The following CCSER1 variants were observed in gnomAD, a reference collection of about 807,000 sequenced individuals.
CCSER1 encodes serine-rich coiled-coil domain-containing protein 1.
A neutral mutation model predicts 82.0 loss-of-function variants in CCSER1; 41 were observed. The observed-to-expected ratio is 0.50, with a 90% CI of 0.39 to 0.65. The LOEUF (loss-of-function observed/expected upper bound fraction) is 0.65, where lower values mean the gene tolerates loss of function less well. Ranked by LOEUF, CCSER1 falls within the 30% of genes least tolerant of loss-of-function variation. The pLI is 0.00. For missense variants in CCSER1, 1,119 were observed against 1,064.2 expected (o/e 1.05, Z -0.72); for synonymous variants, 414 against 383.9 (o/e 1.08, Z -0.92).
At chr4:91,527,132 G>T (rs774592918) in intron 10 of CCSER1, among the ~76,000 whole-genome samples, 1 of 152,174 alleles carries the variant, frequency 6.6e-6, no homozygotes, top group Non-Finnish European at 1.5e-5. Flanking sequence ...AACATTAACA[G>T]ATCTTTAAAG....
intron 10 of CCSER1, among the ~76,000 whole-genome samples, chr4:91,435,806 T>C (rs1414383142): frequency 6.6e-6 from 1 of 152,230 alleles, no homozygotes; most frequent in Non-Finnish European, 1.5e-5. Flanking sequence ...CAACTTTCAT[T>C]TGGAGTTCAT....
At chr4:90,737,537 A>G (rs941146279) in intron 7 of CCSER1, among the ~76,000 whole-genome samples, 1 of 151,950 alleles carries the variant, frequency 6.6e-6, no homozygotes, top group African/African-American at 2.4e-5. Context: ...GCTTTTTAGG[A>G]TCCTTTCTTT....
rs140013183 is a variant in CCSER1, at chr4:90,808,515, A to G, written c.2011-7247A>G. On this transcript the variant is annotated intron_variant, in intron 7 of 10. Coordinates refer to ENST00000509176, the MANE Select transcript of CCSER1 (RefSeq NM_001145065.2). ...CATCGACAAAGAACTAATATCCAGA[A>G]TCTACAAGCAACTCAAATCAGCAAG... Among the ~76,000 whole-genome samples the G allele has an allele frequency of 6.3e-3, 952 of 152,284 alleles. 10 individuals carry two copies. The highest frequency in any genetic ancestry group is 0.022 in the African/African-American group (913 of 41,568).
At chr4:91,469,344 C>T (rs1241213771) in intron 10 of CCSER1, among the ~76,000 whole-genome samples, 1 of 152,138 alleles carries the variant, frequency 6.6e-6, no homozygotes, top group African/African-American at 2.4e-5. Flanking sequence ...TAAAAAAGTT[C>T]TGACTCTAAG....
At chr4:91,106,250 C>T (rs976191058) in intron 10 of CCSER1, among the ~76,000 whole-genome samples, 9 of 152,118 alleles carry the variant, frequency 5.9e-5, no homozygotes, top group East Asian at 1.9e-4. Flanking sequence ...GAAATAGTCA[C>T]GATTATTCTC....
At chr4:91,152,724 A>C (rs1453070511) in intron 10 of CCSER1, among the ~76,000 whole-genome samples, 1 of 148,694 alleles carries the variant, frequency 6.7e-6, no homozygotes, top group African/African-American at 2.4e-5. Flanking sequence ...GTAGTGACAA[A>C]ATCTCTCAGC....
At chr4:90,419,611 T>A (rs76891272) in intron 4 of CCSER1, among the ~76,000 whole-genome samples, 2,239 of 151,978 alleles carry the variant, frequency 0.015, 43 homozygotes, top group African/African-American at 0.049. Context: ...CTGAAAATCA[T>A]AATAACATCT....
rs113631267 is a variant in CCSER1 at position 90,815,526 on chromosome 4, A to ATGTG, written c.2011-218_2011-215dup. Among the ~76,000 whole-genome samples the ATGTG allele has an allele frequency of 1.7e-3, 257 of 150,682 alleles. 3 individuals are homozygous for ATGTG. The highest frequency in any genetic ancestry group is 6.2e-3 in the Admixed American group (94 of 15,104). The stretch of plus-strand genomic sequence containing the variant: ...TAAGCAAAAACATATGTGTGTGTGG[A>ATGTG]TGTGTGTGTGTGTGTGTGTGTCTAC... On this transcript the variant is annotated intron_variant, in intron 7 of 10. Coordinates refer to ENST00000509176, the MANE Select transcript of CCSER1 (RefSeq NM_001145065.2).
chr4:91,081,580 A>G (rs1270462432), intron 9 of CCSER1, among the ~76,000 whole-genome samples: 1 of 152,108 alleles, frequency 6.6e-6, no homozygotes, highest in Admixed American at 6.5e-5. Context: ...AGGCAAGAGA[A>G]AGAAATAAAG....
intron 5 of CCSER1, among the ~76,000 whole-genome samples, chr4:90,508,378 A>G (rs761816397): frequency 2.3e-4 from 35 of 151,750 alleles, no homozygotes; most frequent in Non-Finnish European, 4.7e-4. Flanking sequence ...ATTTTTTTTC[A>G]TTTAGACCTC....
rs113631267 is a variant in CCSER1, at chr4:90,815,526, A to ATGTGTGTGTGTGTGTGTGTG, written c.2011-234_2011-215dup. Among the ~76,000 whole-genome samples, 674 of 150,686 alleles carry ATGTGTGTGTGTGTGTGTGTG rather than the reference A, an allele frequency of 4.5e-3. 6 individuals carry two copies. Among genetic ancestry groups the ATGTGTGTGTGTGTGTGTGTG allele is most frequent in the Non-Finnish European group, 5.9e-3 (396 of 67,606 alleles). On this transcript the variant is annotated intron_variant, in intron 7 of 10. Transcript: ENST00000509176. The stretch of plus-strand genomic sequence containing the variant: ...TAAGCAAAAACATATGTGTGTGTGG[A>ATGTGTGTGTGTGTGTGTGTG]TGTGTGTGTGTGTGTGTGTGTCTAC...
intron 6 of CCSER1, among the ~76,000 whole-genome samples, chr4:90,654,542 T>C (rs938740148): frequency 6.6e-6 from 1 of 152,272 alleles, no homozygotes. Flanking sequence ...CTCATTTCTC[T>C]CTTCTGTTAC....
intron 8 of CCSER1, among the ~76,000 whole-genome samples, chr4:90,878,885 A>T (rs773608581): frequency 2.0e-5 from 3 of 152,230 alleles, no homozygotes; most frequent in African/African-American, 4.8e-5. Flanking sequence ...AAACATTTAG[A>T]ATAGCTCTGG....
At chr4:91,131,029 G>A (rs1196191801) in intron 10 of CCSER1, among the ~76,000 whole-genome samples, 2 of 151,842 alleles carry the variant, frequency 1.3e-5, no homozygotes, top group Non-Finnish European at 2.9e-5. Context: ...ATGTTTGCAT[G>A]TATATTAGAG....
intron 9 of CCSER1, among the ~76,000 whole-genome samples, chr4:91,081,926 A>G (rs1210395594): frequency 6.6e-6 from 1 of 152,186 alleles, no homozygotes; most frequent in Non-Finnish European, 1.5e-5. Flanking sequence ...ATACAAACAA[A>G]TGGAAGAACA....
At chr4:91,333,694 G>A (rs1747114684) in intron 10 of CCSER1, among the ~76,000 whole-genome samples, 1 of 151,814 alleles carries the variant, frequency 6.6e-6, no homozygotes, top group African/African-American at 2.4e-5. Flanking sequence ...AAATATAACT[G>A]TTTTCATAAT....
chr4:91,514,674 A>G (rs1004844671), intron 10 of CCSER1, among the ~76,000 whole-genome samples: 2 of 152,136 alleles, frequency 1.3e-5, no homozygotes, highest in African/African-American at 4.8e-5. Flanking sequence ...GGAGACTGAC[A>G]AGTTCCACAA....
intron 10 of CCSER1, among the ~76,000 whole-genome samples, chr4:91,411,772 C>A (rs1204920987): frequency 6.9e-6 from 1 of 145,848 alleles, no homozygotes; most frequent in South Asian, 2.1e-4. Flanking sequence ...TTTGGATGAA[C>A]AAGATAGCCA....
intron 10 of CCSER1, among the ~76,000 whole-genome samples, chr4:91,418,065 A>G (rs1046450956): frequency 2.0e-5 from 3 of 152,070 alleles, no homozygotes; most frequent in Admixed American, 6.6e-5. Flanking sequence ...ACCAGAATGT[A>G]TGGGATGCAA....
Sources: allele counts gnomAD v4.1 joint callset (sites outside exome capture counted in the v4.1 genomes callset), GRCh38; gene constraint gnomAD v4.1.1; transcripts MANE v1.5; gene names NCBI Gene and HGNC (gene_info 2026-07-23, HGNC 2026-07-21).